CLK3: variants seen among roughly 807,000 people sequenced by gnomAD.
The protein encoded by CLK3 is CDC like kinase 3, also known as dual specificity protein kinase CLK3.
In CLK3, 24 loss-of-function variants were observed where a neutral mutation model predicts 65.2. The ratio of observed to expected loss-of-function variants is 0.37; its 90% confidence interval spans 0.27 to 0.52. CLK3 has a LOEUF of 0.52. Ranked by LOEUF, CLK3 falls within the 20% of genes least tolerant of loss-of-function variation. CLK3 has a pLI of 0.92. For missense variants in CLK3, 506 were observed against 660.0 expected (o/e 0.77, Z 2.56); for synonymous variants, 252 against 240.8 (o/e 1.05, Z -0.43).
Position 74,627,893 on chromosome 15 carries a change from T to C in CLK3, c.1043-77T>C, listed in dbSNP as rs748015786. ...TTTGGGCAAGAGTCCTGCCAGCCGG[T>C]GTGGTGGCTGCCTTGTGACTTCCAG... On this transcript the variant is annotated intron_variant, in intron 9 of 12. Coordinates refer to ENST00000395066, the MANE Select transcript of CLK3 (RefSeq NM_001130028.2). The surrounding 1 kb of genome is among the most constrained non-coding windows in gnomAD (Gnocchi z 4.3). 22 of 1,260,396 alleles carry C rather than the reference T, an allele frequency of 1.7e-5. No homozygotes were observed. Among genetic ancestry groups the C allele is most frequent in the Non-Finnish European group, 2.4e-5 (21 of 861,298 alleles). The allele number at this position is 1,260,396 out of a possible 1,614,324, so 78.1% of individuals were successfully genotyped here.
chr15:74,610,770 A>C (rs1297964193), intron 1 of CLK3, among the ~76,000 whole-genome samples: 2 of 152,232 alleles, frequency 1.3e-5, no homozygotes, highest in African/African-American at 4.8e-5. Context: ...GCAGGCAGAC[A>C]TGAGGTTGTC....
In CLK3 at chr15:74,629,870, A is replaced by T. The variant is rs765417229; in HGVS notation, c.1460A>T (p.Asn487Ile). 2 of 1,609,026 alleles carry T rather than the reference A, an allele frequency of 1.2e-6. No individual in the cohort carries two copies. Among genetic ancestry groups the T allele is most frequent in the Non-Finnish European group, 8.5e-7 (1 of 1,177,888 alleles). The change falls in exon 13 of 13, where the codon AAC becomes ATC. Residue 487 changes from asparagine to isoleucine, a missense_variant. Coordinates refer to ENST00000395066, the MANE Select transcript of CLK3 (RefSeq NM_001130028.2). ...PEERSFHTSR[N>I]PSR ...GAGCGGTCCTTCCACACCAGCCGCA[A>T]CCCAAGCAGATGACAGGCACAGGCC...
At chr15:74,615,239 C>T (rs183738068), upstream of CLK3, 1 of 418,490 alleles carries the variant, frequency 2.4e-6, no homozygotes, top group African/African-American at 2.0e-5. Context: ...CCTCCAGACT[C>T]CGGCCCCGCC....
intron 2 of CLK3, 99 bp from the exon 3 acceptor site, chr15:74,619,910 C>G (rs2062087797): frequency 6.4e-7 from 1 of 1,561,546 alleles, no homozygotes; most frequent in Non-Finnish European, 8.7e-7. Context: ...TTAGCACAGG[C>G]TGTCCCCCTT....
At chr15:74,608,629 C>G (rs537884169) in intron 1 of CLK3, 1 of 152,578 alleles carries the variant, frequency 6.6e-6, no homozygotes, top group South Asian at 2.1e-4. Flanking sequence ...CTCCCACCTG[C>G]CCCTGGGCCA....
At chr15:74,618,998 C>T (rs1703024673) in intron 1 of CLK3, 199 bp from the exon 2 acceptor site, 1 of 586,902 alleles carries the variant, frequency 1.7e-6, no homozygotes, top group Non-Finnish European at 3.0e-6. Flanking sequence ...TGTTCACTGG[C>T]AGAGAAAGTT....
intron 1 of CLK3, among the ~76,000 whole-genome samples, chr15:74,618,003 TC>T (rs2062074058): frequency 1.3e-5 from 2 of 152,196 alleles, no homozygotes; most frequent in Admixed American, 1.3e-4. Flanking sequence ...ACGGAGAGGC[TC>T]CCAGGGGTTT....
chr15:74,620,058 G>A lies in CLK3; in HGVS notation c.202G>A (p.Asp68Asn), dbSNP rs939816913. Reference protein sequence around the residue: ...QRRYRERRDSDTYRCEERSPS... With the variant: ...QRRYRERRDSNTYRCEERSPS... ...GAGGTACCGGGAGCGCCGTGACAGC[G>A]ATACATACCGGTGTGAAGAGCGGAG... Residue 68 changes from aspartate (D) to asparagine (N), a missense_variant, in exon 3 of 13, where the codon GAT (aspartate) becomes AAT (asparagine). Asp to Asn is a conservative substitution (Grantham distance 23, BLOSUM62 1). Coordinates refer to ENST00000395066, the MANE Select transcript of CLK3 (RefSeq NM_001130028.2). 4 of 1,614,082 alleles carry A rather than the reference G, an allele frequency of 2.5e-6. No homozygotes were observed. The highest frequency in any genetic ancestry group is 2.7e-5 in the African/African-American group (2 of 74,938).
rs201251393 is a variant in CLK3 at position 74,622,263 on chromosome 15, C to G, written c.466+47C>G. On this transcript the variant is annotated intron_variant, in intron 4 of 12. Coordinates refer to ENST00000395066, the MANE Select transcript of CLK3 (RefSeq NM_001130028.2). The surrounding 1 kb of genome is among the most constrained non-coding windows in gnomAD (Gnocchi z 4.6). ...CTTTACCTCTCTACTTTCTACCCCCCTTGTTAGACGAGACCTCTCCTGCCT... is the reference window on the plus strand; with the variant it reads ...CTTTACCTCTCTACTTTCTACCCCCGTTGTTAGACGAGACCTCTCCTGCCT... 4.7e-4 allele frequency: 730 copies of G among 1,565,290 alleles called. No individual in the cohort carries two copies. The highest frequency in any genetic ancestry group is 6.0e-4 in the Non-Finnish European group (683 of 1,141,540).
chr15:74,625,805 G>T lies in CLK3; in HGVS notation c.654G>T (p.Leu218=). ...CCTGCCCATCCTCCTCCTCCAGCCTGTGTGTCTTGATGTCTGACTGGTTCA... is the reference window on the plus strand; with the variant it reads ...CCTGCCCATCCTCCTCCTCCAGCCTTTGTGTCTTGATGTCTGACTGGTTCA... ...IKEKDKENKF[L]CVLMSDWFNF... is the part of the protein sequence containing the mutation. The change falls in exon 7 of 13, where the codon CTG becomes CTT. Residue 218 remains leucine (L), a synonymous_variant. Coordinates refer to ENST00000395066, the MANE Select transcript of CLK3 (RefSeq NM_001130028.2). 2 of 1,614,140 alleles carry T rather than the reference G, an allele frequency of 1.2e-6. No individual in the cohort carries two copies. Among genetic ancestry groups the T allele is most frequent in the Non-Finnish European group, 1.7e-6 (2 of 1,180,020 alleles).
At chr15:74,629,526 C>T (rs556154291) in intron 12 of CLK3, 181 bp from the exon 13 acceptor site, 20 of 604,366 alleles carry the variant, frequency 3.3e-5, no homozygotes, top group South Asian at 1.2e-4. Flanking sequence ...CCGAGCAAAA[C>T]GTTAAACAGG....
chr15:74,615,491 G>T, upstream of CLK3: 1 of 1,311,670 alleles, frequency 7.6e-7, no homozygotes, highest in Non-Finnish European at 9.7e-7. Context: ...GGAGTTGGCG[G>T]ACCACGCGGG....
upstream of CLK3, chr15:74,615,575 G>T (rs1596284457): frequency 2.4e-6 from 3 of 1,266,124 alleles, no homozygotes; most frequent in East Asian, 9.4e-5. Flanking sequence ...AGCCCAGCCG[G>T]CCCGGGCCGC....
chr15:74,619,843 G>T, intron 2 of CLK3, 166 bp from the exon 3 acceptor site: 1 of 1,126,048 alleles, frequency 8.9e-7, no homozygotes, highest in Non-Finnish European at 1.2e-6. Context: ...CTGGAGGGCG[G>T]GCTTAGTACC....
At chr15:74,623,954 G>A (rs1469343956) in intron 5 of CLK3, 1 of 152,238 alleles carries the variant, frequency 6.6e-6, no homozygotes, top group Non-Finnish European at 1.5e-5. Context: ...AGGCCGGAGT[G>A]CATGGCCTTT....
rs1371588369 is a variant in CLK3 at position 74,622,166 on chromosome 15, A to C, written c.416A>C (p.Asp139Ala). The change falls in exon 4 of 13, where the codon GAC (aspartate) becomes GCC (alanine). Residue 139 changes from aspartate (D) to alanine (A), a missense_variant. Transcript: ENST00000395066. The surrounding 1 kb of genome is among the most constrained non-coding windows in gnomAD (Gnocchi z 4.6). ...CGCAGCAGCCGGAGTGTGGAAGATGACAAGGAGGGTCACCTGGTGTGCCGG... is the reference window on the plus strand; with the variant it reads ...CGCAGCAGCCGGAGTGTGGAAGATGCCAAGGAGGGTCACCTGGTGTGCCGG... ...SKRSSRSVED[D>A]KEGHLVCRIG... The C allele has an allele frequency of 6.2e-7, 1 of 1,614,148 alleles. No individual in the cohort carries two copies.
Position 74,627,111 on chromosome 15 carries a change from T to A in CLK3, c.818-241T>A. 1.7e-6 allele frequency: 1 copy of A among 598,204 alleles called. No individual in the cohort carries two copies. Among genetic ancestry groups the A allele is most frequent in the Non-Finnish European group, 3.1e-6 (1 of 319,594 alleles). 37.1% of individuals were successfully genotyped at this position (598,204 alleles called of 1,614,324 possible). On this transcript the variant is annotated intron_variant, in intron 7 of 12. Coordinates refer to ENST00000395066, the MANE Select transcript of CLK3 (RefSeq NM_001130028.2). This position sits in a 1 kb window ranked among gnomAD's most constrained non-coding sequence, Gnocchi z 4.3. The stretch of plus-strand genomic sequence containing the variant: ...GCAGAGGAGAGGTGGAGGGAGGTTT[T>A]TCGAATGGCAAATTTCTTTCCTACC...
chr15:74,611,897 G>A (rs144975176), upstream of CLK3, among the ~76,000 whole-genome samples: 7 of 152,338 alleles, frequency 4.6e-5, no homozygotes, highest in East Asian at 1.3e-3. Flanking sequence ...CCCTTTGGCT[G>A]AGCACGCACT....
upstream of CLK3, chr15:74,614,990 C>T (rs2062039372): frequency 1.2e-5 from 2 of 161,398 alleles, no homozygotes; most frequent in Admixed American, 6.5e-5. Flanking sequence ...AAGATCCCCA[C>T]CTCAGTTTTC....
Sources: allele counts gnomAD v4.1 joint callset (sites outside exome capture counted in the v4.1 genomes callset), GRCh38; gene constraint gnomAD v4.1.1; non-coding constraint Gnocchi (gnomAD v3.1); transcripts MANE v1.5; gene names NCBI Gene and HGNC (gene_info 2026-07-23, HGNC 2026-07-21).